PDZD2: variants seen among roughly 807,000 people sequenced by gnomAD.
PDZD2 encodes the protein PDZ domain-containing protein 2.
In PDZD2, 90 loss-of-function variants were observed where a neutral mutation model predicts 220.7. That is an observed-to-expected ratio of 0.41 (90% CI 0.34 to 0.49). The LOEUF (loss-of-function observed/expected upper bound fraction) is 0.49, where lower values mean the gene tolerates loss of function less well. Ranked by LOEUF, PDZD2 falls within the 20% of genes least tolerant of loss-of-function variation. PDZD2 has a pLI of 0.28. For missense variants in PDZD2, 3,174 were observed against 3,608.5 expected, an observed-to-expected ratio of 0.88 and a Z score of 3.08; for synonymous variants, 1,375 against 1,450.5, an observed-to-expected ratio of 0.95 and a Z score of 1.18.
chr5:31,922,442 G>T (rs1744355170), intron 2 of PDZD2, among the ~76,000 whole-genome samples: 1 of 152,114 alleles, frequency 6.6e-6, no homozygotes, highest in Non-Finnish European at 1.5e-5. Context: ...AAGCTTAAGG[G>T]TCTGTTTTTT....
chr5:31,976,542 T>C (rs1293606814), intron 2 of PDZD2, among the ~76,000 whole-genome samples: 1 of 152,188 alleles, frequency 6.6e-6, no homozygotes, highest in Non-Finnish European at 1.5e-5. Context: ...TTTATTCTCC[T>C]GTTGTCTGTG....
rs1747916220 is a variant in PDZD2 at position 31,958,364 on chromosome 5, C to A, written c.477-24791C>A. Among the ~76,000 whole-genome samples, 3 of 152,052 alleles carry A rather than the reference C, an allele frequency of 2.0e-5. No homozygotes were observed. The South Asian group carries it at 6.2e-4, about 32-fold the overall frequency. ...TGCCTCCTGGGTTCAAGCGATTCTC[C>A]TGTCTCAGCCTCCTGAGTAGCTGGG... is the stretch of plus-strand genomic sequence containing the variant. On this transcript the variant is annotated intron_variant, in intron 2 of 24. Coordinates refer to ENST00000438447, the MANE Select transcript of PDZD2 (RefSeq NM_178140.4).
At chr5:32,082,984 C>A (rs948751502) in intron 19 of PDZD2, among the ~76,000 whole-genome samples, 4 of 152,082 alleles carry the variant, frequency 2.6e-5, no homozygotes, top group Non-Finnish European at 5.9e-5. Context: ...CCCTGTTTGT[C>A]ACTAAATGTT....
chr5:32,051,603 TA>T (rs899452296), intron 8 of PDZD2, among the ~76,000 whole-genome samples: 1 of 152,190 alleles, frequency 6.6e-6, no homozygotes, highest in Non-Finnish European at 1.5e-5. Context: ...GCTTTGGTGA[TA>T]GAGTCATTTG....
intron 2 of PDZD2, among the ~76,000 whole-genome samples, chr5:31,849,965 C>CGTGT (rs1757879614): frequency 3.2e-5 from 1 of 31,190 alleles, no homozygotes; most frequent in African/African-American, 2.2e-4. Flanking sequence ...TATATATACA[C>CGTGT]ATATATATAT....
At chr5:31,974,718 G>A (rs1331452553) in intron 2 of PDZD2, among the ~76,000 whole-genome samples, 4 of 152,194 alleles carry the variant, frequency 2.6e-5, no homozygotes, top group Non-Finnish European at 5.9e-5. Context: ...ATGGACCTCT[G>A]TCTTGGTGTA....
chr5:31,768,784 G>A (rs1057388030), intron 1 of PDZD2, among the ~76,000 whole-genome samples: 6 of 152,126 alleles, frequency 3.9e-5, no homozygotes, highest in East Asian at 1.9e-4. Context: ...GATTTCTAGC[G>A]GCACTGGAGC....
In PDZD2 at chr5:32,090,184, T is replaced by A; in HGVS notation, c.6736T>A (p.Ser2246Thr). ...TCACCCCCCACACAGCCTGGGTCGC[T>A]CTCGGGACAGCCAGGTCCCTGTGAC... ...EGHPPHSLGRSRDSQVPVTSS... is the reference protein window; with the variant it reads ...EGHPPHSLGRTRDSQVPVTSS... The change falls in exon 20 of 25, where the codon TCT becomes ACT. Residue 2246 changes from serine to threonine, a missense_variant. Around this residue, in one of 4 missense-constraint regions of PDZD2, gnomAD observed 631 missense variants for 789.9 expected, o/e 0.80. Transcript: ENST00000438447. This position sits in a 1 kb window ranked among gnomAD's most constrained non-coding sequence, Gnocchi z 4.3. The A allele has an allele frequency of 6.2e-7, 1 of 1,613,972 alleles. No individual in the cohort carries two copies. The highest frequency in any genetic ancestry group is 8.5e-7 in the Non-Finnish European group (1 of 1,179,984).
intron 2 of PDZD2, among the ~76,000 whole-genome samples, chr5:31,956,652 G>A (rs2092419444): frequency 6.7e-6 from 1 of 149,578 alleles, no homozygotes; most frequent in Non-Finnish European, 1.5e-5. Context: ...ACAGCTATTC[G>A]GGAGGCTGAG....
intron 2 of PDZD2, among the ~76,000 whole-genome samples, chr5:31,903,712 A>G (rs1190955669): frequency 6.6e-6 from 1 of 151,768 alleles, no homozygotes; most frequent in Non-Finnish European, 1.5e-5. Flanking sequence ...TTAGTGAAAA[A>G]CATTTTTTGT....
At chr5:31,828,048 C>A (rs1756336323) in intron 2 of PDZD2, among the ~76,000 whole-genome samples, 1 of 152,176 alleles carries the variant, frequency 6.6e-6, no homozygotes, top group South Asian at 2.1e-4. Context: ...TGTTATATTG[C>A]CAAATAGTAT....
intron 2 of PDZD2, among the ~76,000 whole-genome samples, chr5:31,892,718 C>T (rs1458280771): frequency 6.6e-6 from 1 of 150,400 alleles, no homozygotes; most frequent in Non-Finnish European, 1.5e-5. Flanking sequence ...CAGGTGTGCA[C>T]CACCACACCC....
At chr5:31,790,452 A>G (rs1230384131) in intron 1 of PDZD2, among the ~76,000 whole-genome samples, 1 of 152,122 alleles carries the variant, frequency 6.6e-6, no homozygotes, top group Non-Finnish European at 1.5e-5. Flanking sequence ...TGATGGGCAC[A>G]GGAAGGACAC....
chr5:32,039,186 A>G (rs1190558513), intron 7 of PDZD2, among the ~76,000 whole-genome samples: 1 of 149,594 alleles, frequency 6.7e-6, no homozygotes, highest in Non-Finnish European at 1.5e-5. Context: ...GCTCGCTGCA[A>G]CCTCCCTGCC....
rs79008030 is a variant in PDZD2, at chr5:32,088,107, C to T, written c.4659C>T (p.Gly1553=). ...STEPSLSSMY[G]DAEDSSSDPE... Reference sequence around the variant, plus strand: ...AGCCGTCTCTGTCATCCATGTATGGCGATGCTGAGGATTCTTCTTCTGACC... The same window carrying T: ...AGCCGTCTCTGTCATCCATGTATGGTGATGCTGAGGATTCTTCTTCTGACC... Residue 1553 remains glycine (G), a synonymous_variant, in exon 20 of 25, where the codon GGC becomes GGT. Transcript: ENST00000438447. The surrounding 1 kb of genome is among the most constrained non-coding windows in gnomAD (Gnocchi z 4.6). 9.3e-4 allele frequency: 1,496 copies of T among 1,614,168 alleles called. 30 individuals are homozygous for T. In the East Asian group the frequency reaches 0.025, roughly 27 times the overall value.
chr5:31,995,706 G>A lies in PDZD2; in HGVS notation c.1109G>A (p.Gly370Asp). ...GTTGTCACTCAAGTGAAGGAAGGAG[G>A]TGCCGCTCACAGGTGACTAGATAAC... is the stretch of plus-strand genomic sequence containing the variant. Reference protein sequence around the residue: ...AIVVTQVKEGGAAHRDGRLSL... With the variant: ...AIVVTQVKEGDAAHRDGRLSL... The change falls in exon 4 of 25, where the codon GGT (glycine) becomes GAT (aspartate). Residue 370 changes from glycine to aspartate, a missense_variant. Transcript: ENST00000438447. 1 of 1,613,722 alleles carries A rather than the reference G, an allele frequency of 6.2e-7. No individual in the cohort carries two copies. The highest frequency in any genetic ancestry group is 8.5e-7 in the Non-Finnish European group (1 of 1,179,974).
At chr5:31,862,900 T>C (rs920066246) in intron 2 of PDZD2, among the ~76,000 whole-genome samples, 8 of 152,154 alleles carry the variant, frequency 5.3e-5, no homozygotes, top group African/African-American at 1.9e-4. Context: ...CTAATTTTTT[T>C]GTATTTTTGA....
chr5:32,062,173 A>G (rs6866076), intron 14 of PDZD2, among the ~76,000 whole-genome samples: 4,643 of 152,264 alleles, frequency 0.03, 239 homozygotes, highest in African/African-American at 0.11. Flanking sequence ...TTATCAAATG[A>G]TTATCTTGAA....
At chr5:32,008,345 G>T (rs1339463303) in intron 5 of PDZD2, among the ~76,000 whole-genome samples, 1 of 145,670 alleles carries the variant, frequency 6.9e-6, no homozygotes, top group African/African-American at 2.6e-5. Flanking sequence ...CCAGGCTACA[G>T]TCTCAGCTGA....
Sources: allele counts gnomAD v4.1 joint callset (sites outside exome capture counted in the v4.1 genomes callset), GRCh38; gene constraint gnomAD v4.1.1; regional missense constraint gnomAD v4.1.1; non-coding constraint Gnocchi (gnomAD v3.1); transcripts MANE v1.5; gene names NCBI Gene and HGNC (gene_info 2026-07-23, HGNC 2026-07-21).